Variants in FGF14 observed in about 807,000 individuals in gnomAD.
The protein encoded by FGF14 is fibroblast growth factor 14.
A neutral mutation model predicts 25.5 loss-of-function variants in FGF14; 5 were observed. That is an observed-to-expected ratio of 0.20 (90% CI 0.10 to 0.41). The LOEUF (loss-of-function observed/expected upper bound fraction) is 0.41, where lower values mean the gene tolerates loss of function less well. FGF14 is among the 10% of genes least tolerant of loss of function. The pLI is 1.00. For missense variants in FGF14, 222 were observed against 320.1 expected (o/e 0.69, Z 2.34); for synonymous variants, 138 against 118.3 (o/e 1.17, Z -1.08).
At chr13:101,798,672 A>G (rs2040697473) in intron 3 of FGF14, among the ~76,000 whole-genome samples, 1 of 152,148 alleles carries the variant, frequency 6.6e-6, no homozygotes, top group Non-Finnish European at 1.5e-5. Flanking sequence ...AATTGTGTAC[A>G]TCTTGCGAGT....
intron 1 of FGF14, among the ~76,000 whole-genome samples, chr13:102,296,892 T>G (rs1370849457): frequency 6.6e-6 from 1 of 152,106 alleles, no homozygotes; most frequent in Admixed American, 6.6e-5. Flanking sequence ...CTGAAATAAT[T>G]TACATGTTTC....
intron 1 of FGF14, among the ~76,000 whole-genome samples, chr13:102,337,355 G>C (rs905230050): frequency 6.6e-6 from 1 of 152,130 alleles, no homozygotes; most frequent in African/African-American, 2.4e-5. Flanking sequence ...AAAAGCAAGA[G>C]AATTAGAATT....
At chr13:101,727,061 A>G (rs1416407646) in intron 3 of FGF14, among the ~76,000 whole-genome samples, 7 of 152,172 alleles carry the variant, frequency 4.6e-5, no homozygotes. Flanking sequence ...TGAGCAAACT[A>G]AAGATTTAAC....
At chr13:101,918,825 T>G (rs1011233778), upstream of FGF14, among the ~76,000 whole-genome samples, 3 of 152,236 alleles carry the variant, frequency 2.0e-5, no homozygotes, top group Non-Finnish European at 4.4e-5. Flanking sequence ...GTGTTTGTCA[T>G]ATATTACAAA....
intron 3 of FGF14, among the ~76,000 whole-genome samples, chr13:101,739,115 A>G (rs970712089): frequency 9.0e-5 from 13 of 144,810 alleles, no homozygotes; most frequent in South Asian, 4.3e-4. Flanking sequence ...ATACATGTAT[A>G]TATATATATA....
intron 1 of FGF14, among the ~76,000 whole-genome samples, chr13:102,262,399 A>G (rs914552391): frequency 2.0e-5 from 3 of 152,096 alleles, no homozygotes; most frequent in Admixed American, 1.3e-4. Context: ...ATCACTTTTT[A>G]TTTCATGCTC....
At chr13:101,747,285 A>T (rs1226522289) in intron 3 of FGF14, among the ~76,000 whole-genome samples, 1 of 152,064 alleles carries the variant, frequency 6.6e-6, no homozygotes, top group Non-Finnish European at 1.5e-5. Context: ...GCAAACAAGT[A>T]TTAGGTACCC....
intron 1 of FGF14, among the ~76,000 whole-genome samples, chr13:102,311,337 A>G (rs777341163): frequency 5.9e-5 from 9 of 152,146 alleles, no homozygotes; most frequent in Non-Finnish European, 1.0e-4. Flanking sequence ...CAGCTATCTG[A>G]TCAGTCTTGA....
intron 1 of FGF14, among the ~76,000 whole-genome samples, chr13:102,227,551 G>A (rs184237003): frequency 1.1e-4 from 16 of 152,018 alleles, no homozygotes; most frequent in East Asian, 3.9e-4. Flanking sequence ...TTCATGTTTC[G>A]CAAACATAAT....
chr13:102,379,591 G>A (rs1459888713), intron 1 of FGF14, among the ~76,000 whole-genome samples: 4 of 151,786 alleles, frequency 2.6e-5, no homozygotes, highest in Admixed American at 6.6e-5. Flanking sequence ...ATAGTTCAGT[G>A]GTCAAACATT....
intron 1 of FGF14, among the ~76,000 whole-genome samples, chr13:102,239,685 G>C (rs2051498088): frequency 6.6e-6 from 1 of 152,134 alleles, no homozygotes; most frequent in Non-Finnish European, 1.5e-5. Context: ...CAAATGAATG[G>C]AGCCACTAAA....
intron 1 of FGF14, among the ~76,000 whole-genome samples, chr13:101,930,988 T>C (rs117135836): frequency 0.039 from 5,955 of 152,306 alleles, 130 homozygotes; most frequent in Non-Finnish European, 0.045. Flanking sequence ...TGTTTTAGCA[T>C]GCCCTTCTCA....
chr13:102,284,041 G>A (rs1418714976), intron 1 of FGF14, among the ~76,000 whole-genome samples: 1 of 152,192 alleles, frequency 6.6e-6, no homozygotes, highest in Non-Finnish European at 1.5e-5. Context: ...CTACATTTCT[G>A]TGATTTAAAA....
intron 1 of FGF14, among the ~76,000 whole-genome samples, chr13:102,277,668 A>G (rs1452808104): frequency 6.6e-6 from 1 of 152,200 alleles, no homozygotes; most frequent in African/African-American, 2.4e-5. Context: ...CATAAGCTCA[A>G]CCATTTACCA....
intron 1 of FGF14, among the ~76,000 whole-genome samples, chr13:102,071,742 T>C (rs2043161872): frequency 6.6e-6 from 1 of 152,204 alleles, no homozygotes. Context: ...CCATAGGAGA[T>C]ACCTACTGAG....
chr13:101,743,585 A>C (rs1015929525), intron 3 of FGF14, among the ~76,000 whole-genome samples: 2 of 152,192 alleles, frequency 1.3e-5, no homozygotes, highest in Non-Finnish European at 2.9e-5. Context: ...GGCAAGTGTC[A>C]CTTGAAAATC....
chr13:101,872,586 T>G (rs567921854), intron 2 of FGF14, among the ~76,000 whole-genome samples: 2 of 152,056 alleles, frequency 1.3e-5, no homozygotes, highest in Non-Finnish European at 2.9e-5. Flanking sequence ...AAACACCGTT[T>G]TGCAATTTGC....
intron 1 of FGF14, among the ~76,000 whole-genome samples, chr13:102,161,836 A>T (rs1040455119): frequency 6.6e-6 from 1 of 151,990 alleles, no homozygotes; most frequent in Non-Finnish European, 1.5e-5. Context: ...AATTAAAAAA[A>T]AAAAAAAACC....
At position 101,837,604 on chromosome 13, in the gene FGF14, T is replaced by C. The variant is rs145797914; in HGVS notation, c.408+31121A>G. ...TATTGATCTTTGAGAAATTCTTCTT[T>C]TAAGAAAGACAACTTTATAAACTCT... is the stretch of plus-strand genomic sequence containing the variant. On this transcript the variant is annotated intron_variant, in intron 3 of 4. Transcript: ENST00000376143. Among the ~76,000 whole-genome samples the C allele has an allele frequency of 1.9e-3, 291 of 152,236 alleles. 3 individuals carry two copies. Among genetic ancestry groups the C allele is most frequent in the African/African-American group, 6.7e-3 (279 of 41,572 alleles).
Sources: gnomAD v4.1 joint callset for allele counts (sites outside exome capture counted in the v4.1 genomes callset) on GRCh38, gnomAD v4.1.1 for gene constraint, MANE v1.5 for transcripts, NCBI Gene and HGNC (gene_info 2026-07-23, HGNC 2026-07-21) for gene names.